TSHZ2: variants seen among roughly 807,000 people sequenced by gnomAD.
TSHZ2 encodes the protein teashirt homolog 2.
TSHZ2 carries 21 observed loss-of-function variants against 74.4 expected under a neutral mutation model. That is an observed-to-expected ratio of 0.28 (90% confidence interval 0.20 to 0.41). The LOEUF is 0.41. TSHZ2 is among the 10% of genes least tolerant of loss of function. The probability of loss-of-function intolerance (pLI) is 1.00; values close to 1 mark genes in which losing one functional copy is unlikely to be tolerated. For synonymous variants in TSHZ2, 540 were observed against 515.3 expected (o/e 1.05, Z -0.65); for missense variants, 1,244 against 1,293.5 (o/e 0.96, Z 0.59).
chr20:53,451,119 A>G (rs1201573861), intron 2 of TSHZ2, among the ~76,000 whole-genome samples: 1 of 152,124 alleles, frequency 6.6e-6, no homozygotes, highest in Non-Finnish European at 1.5e-5. Context: ...ATTGTTAAAA[A>G]CCTGTTCTAG....
At chr20:53,119,621 AAAG>A (rs1186093408) in intron 1 of TSHZ2, among the ~76,000 whole-genome samples, 2 of 152,254 alleles carry the variant, frequency 1.3e-5, no homozygotes, top group African/African-American at 4.8e-5. Context: ...ATATGCAAAA[AAAG>A]AATGTGAAAG....
intron 2 of TSHZ2, chr20:53,412,818 A>G (rs995596668): frequency 2.6e-5 from 4 of 152,346 alleles, no homozygotes; most frequent in Non-Finnish European, 4.4e-5. Context: ...CAGCTGATCC[A>G]AGCAAGCGGA....
intron 1 of TSHZ2, among the ~76,000 whole-genome samples, chr20:53,069,187 A>G (rs1842545261): frequency 6.6e-6 from 1 of 152,146 alleles, no homozygotes; most frequent in Admixed American, 6.6e-5. Flanking sequence ...TGAAATATGA[A>G]GAGATACCTT....
intron 2 of TSHZ2, among the ~76,000 whole-genome samples, chr20:53,332,066 T>C (rs1267417155): frequency 6.6e-6 from 1 of 152,072 alleles, no homozygotes; most frequent in Admixed American, 6.6e-5. Flanking sequence ...AGGCCTCCTG[T>C]GCAGAAGGCA....
chr20:53,493,348 A>G lies in TSHZ2; in HGVS notation c.*6213A>G, dbSNP rs928478112. On this transcript the variant is annotated 3_prime_UTR_variant, in exon 3 of 3. Transcript: ENST00000371497. ...TGAGTCCCGTCCAATTGCTGGATCT[A>G]GGGAGGAACCAACTTCCTAATTCAG... is the stretch of plus-strand genomic sequence containing the variant. The G allele has an allele frequency of 6.6e-6, 1 of 152,230 alleles. No homozygotes were observed. The highest frequency in any genetic ancestry group is 2.4e-5 in the African/African-American group (1 of 41,472). The allele number at this position is 152,230 out of a possible 1,614,324, so 9.4% of individuals were successfully genotyped here. A position where few individuals can be genotyped will look rare whatever the true frequency, so the allele number is the denominator to read the frequency against.
chr20:53,361,888 G>C (rs1428759961), intron 2 of TSHZ2, among the ~76,000 whole-genome samples: 3 of 147,772 alleles, frequency 2.0e-5, no homozygotes, highest in Non-Finnish European at 4.5e-5. Context: ...TTCTTTTGTT[G>C]TTGTTGTTGT....
At position 53,128,626 on chromosome 20, in the gene TSHZ2, A is replaced by AGCACTTTTTTTTTTAGATGGAGTCTCGC. The variant is rs570166924; in HGVS notation, c.41-124872_41-124845dup. On this transcript the variant is annotated intron_variant, in intron 1 of 2. Coordinates refer to ENST00000371497, the MANE Select transcript of TSHZ2 (RefSeq NM_173485.6). ...GTCAATACCCAGAGAAATGAGCAGG[A>AGCACTTTTTTTTTTAGATGGAGTCTCGC]GCACTTTTTTTTTTAGATGGAGTCT... Among the ~76,000 whole-genome samples, 519 of 152,000 alleles carry AGCACTTTTTTTTTTAGATGGAGTCTCGC rather than the reference A, an allele frequency of 3.4e-3. 3 individuals are homozygous for AGCACTTTTTTTTTTAGATGGAGTCTCGC. The highest frequency in any genetic ancestry group is 0.012 in the African/African-American group (495 of 41,422).
intron 2 of TSHZ2, among the ~76,000 whole-genome samples, chr20:53,327,420 C>T (rs535607907): frequency 2.6e-5 from 4 of 152,202 alleles, no homozygotes; most frequent in East Asian, 1.9e-4. Context: ...ACCCGGGAGG[C>T]GTAGATTGCA....
At chr20:53,220,833 C>T (rs1326561588) in intron 1 of TSHZ2, among the ~76,000 whole-genome samples, 1 of 152,150 alleles carries the variant, frequency 6.6e-6, no homozygotes, top group Non-Finnish European at 1.5e-5. Flanking sequence ...CACAGCAGGC[C>T]ATGAGAAAAC....
chr20:53,315,842 T>G (rs200655), intron 2 of TSHZ2, among the ~76,000 whole-genome samples: 132,270 of 152,182 alleles, frequency 0.87, 57,616 homozygotes, highest in South Asian at 0.91. Context: ...AAGCTAGATT[T>G]TAGGGGCCTA....
chr20:53,026,415 C>A (rs1035927654), intron 1 of TSHZ2, among the ~76,000 whole-genome samples: 2 of 151,284 alleles, frequency 1.3e-5, no homozygotes, highest in Non-Finnish European at 1.5e-5. Context: ...TGCAGTGGCT[C>A]GATCTCGGTT....
At chr20:53,391,403 C>A (rs976009004) in intron 2 of TSHZ2, among the ~76,000 whole-genome samples, 2 of 152,092 alleles carry the variant, frequency 1.3e-5, no homozygotes, top group Admixed American at 6.5e-5. Flanking sequence ...CCTCAGCCTC[C>A]CAAAGTGCTG....
intron 1 of TSHZ2, among the ~76,000 whole-genome samples, chr20:53,087,725 A>C (rs1232020066): frequency 1.3e-5 from 2 of 152,224 alleles, no homozygotes; most frequent in African/African-American, 4.8e-5. Context: ...AGAGAAAAGT[A>C]GTATGTCTAT....
At chr20:53,036,159 C>T (rs976069242) in intron 1 of TSHZ2, among the ~76,000 whole-genome samples, 1 of 151,972 alleles carries the variant, frequency 6.6e-6, no homozygotes, top group Non-Finnish European at 1.5e-5. Context: ...TATGATGTAC[C>T]CACTTAATTT....
intron 2 of TSHZ2, among the ~76,000 whole-genome samples, chr20:53,401,773 T>A (rs891723438): frequency 7.0e-6 from 1 of 143,200 alleles, no homozygotes; most frequent in African/African-American, 2.9e-5. Context: ...CAACACATTT[T>A]CTTTTTTTTT....
chr20:53,371,552 T>C (rs940059465), intron 2 of TSHZ2, among the ~76,000 whole-genome samples: 2 of 152,162 alleles, frequency 1.3e-5, no homozygotes, highest in Non-Finnish European at 2.9e-5. Context: ...TCTCTCACAG[T>C]TCTGAAGGAC....
intron 1 of TSHZ2, among the ~76,000 whole-genome samples, chr20:53,119,767 A>G (rs1474097109): frequency 1.3e-5 from 2 of 152,286 alleles, no homozygotes; most frequent in African/African-American, 4.8e-5. Flanking sequence ...TAAATCACAT[A>G]TGGGGTTCAC....
intron 1 of TSHZ2, chr20:53,097,700 A>C (rs1243718527): frequency 1.3e-5 from 2 of 154,692 alleles, no homozygotes; most frequent in Non-Finnish European, 2.9e-5. Context: ...ATTGATTGCC[A>C]GGGTTGATTT....
chr20:53,079,834 CTTTTTTTTT>C (rs1985479416), intron 1 of TSHZ2, among the ~76,000 whole-genome samples: 10 of 135,718 alleles, frequency 7.4e-5, no homozygotes, highest in Admixed American at 4.4e-4. Flanking sequence ...TTTTTTTTTT[CTTTTTTTTT>C]GCAGAAGAGA....
Sources: allele counts gnomAD v4.1 joint callset (sites outside exome capture counted in the v4.1 genomes callset), GRCh38; gene constraint gnomAD v4.1.1; transcripts MANE v1.5; gene names NCBI Gene and HGNC (gene_info 2026-07-23, HGNC 2026-07-21).